The following FAM72A variants were observed in gnomAD, a reference collection of about 807,000 sequenced individuals.
FAM72A encodes the protein protein FAM72A.
A neutral mutation model predicts 11.3 loss-of-function variants in FAM72A; 1 was observed. The ratio of observed to expected loss-of-function variants is 0.09; its 90% CI spans 0.03 to 0.42. The LOEUF is 0.42. Ranked by LOEUF, FAM72A falls within the 10% of genes least tolerant of loss-of-function variation. The pLI is 0.98. For synonymous variants in FAM72A, 5 were observed against 46.9 expected (o/e 0.11, Z 3.65); for missense variants, 15 against 135.5 (o/e 0.11, Z 4.41).
At chr1:206,204,813 T>C (rs1665737229), upstream of FAM72A, 2 of 125,416 alleles carry the variant, frequency 1.6e-5, no homozygotes, top group South Asian at 5.7e-4. Flanking sequence ...TTTTCCCGGC[T>C]CCGACCCTAT....
upstream of FAM72A, chr1:206,203,764 C>A (rs536070022): frequency 4.0e-6 from 6 of 1,483,376 alleles, no homozygotes; most frequent in Non-Finnish European, 5.4e-6. Context: ...CTCGCGGCAT[C>A]GCCTTAGCGG....
At chr1:206,205,275 A>C (rs1209669678), upstream of FAM72A, 2 of 144,042 alleles carry the variant, frequency 1.4e-5, no homozygotes, top group African/African-American at 5.2e-5. Context: ...CTTCCTCCCC[A>C]CCTCGTAGCG....
chr1:206,196,900 G>A (rs1440333770), intron 2 of FAM72A, among the ~76,000 whole-genome samples: 1 of 144,084 alleles, frequency 6.9e-6, no homozygotes, highest in Admixed American at 6.9e-5. Flanking sequence ...TTTATACCTT[G>A]AGTTGTAAAA....
upstream of FAM72A, chr1:206,204,977 G>A (rs1418287472): frequency 6.6e-6 from 1 of 151,402 alleles, no homozygotes; most frequent in Non-Finnish European, 1.5e-5. Flanking sequence ...TGGGAGGAGG[G>A]GCGGGAGAGG....
intron 3 of FAM72A, among the ~76,000 whole-genome samples, chr1:206,191,978 T>C (rs1473220008): frequency 6.9e-6 from 1 of 145,690 alleles, no homozygotes; most frequent in Non-Finnish European, 1.5e-5. Context: ...TCAATTGTGC[T>C]TTAGTTTATT....
At chr1:206,199,708 T>TAC in intron 2 of FAM72A, 99 bp downstream of exon 2, 1 of 466,102 alleles carries the variant, frequency 2.1e-6, no homozygotes, top group Admixed American at 4.5e-5. Flanking sequence ...GCATGCTTTA[T>TAC]ACCAGTCCTT....
intron 3 of FAM72A, among the ~76,000 whole-genome samples, chr1:206,188,604 GT>G: frequency 9.2e-6 from 1 of 109,246 alleles, no homozygotes; most frequent in Middle Eastern, 3.8e-3. Context: ...TGCCTCCCAG[GT>G]TCAAGTGATT....
At chr1:206,198,309 A>G (rs1306040386) in intron 2 of FAM72A, among the ~76,000 whole-genome samples, 6 of 151,420 alleles carry the variant, frequency 4.0e-5, no homozygotes, top group Non-Finnish European at 8.8e-5. Flanking sequence ...GGTTGCAGTA[A>G]GCTGAGATCG....
chr1:206,203,504 C>A (rs1278753747), upstream of FAM72A: 117 of 483,996 alleles, frequency 2.4e-4, no homozygotes, highest in Non-Finnish European at 2.9e-4. Flanking sequence ...GGCTCTACTT[C>A]CCGGCGGGGT....
At chr1:206,203,832 A>T (rs1382670652), upstream of FAM72A, 2 of 1,521,438 alleles carry the variant, frequency 1.3e-6, no homozygotes, top group Non-Finnish European at 1.8e-6. Context: ...CTCCCAGTAC[A>T]GCCCATAATA....
upstream of FAM72A, chr1:206,204,830 ACCCGTTTC>A (rs1665741269): frequency 8.0e-6 from 1 of 125,168 alleles, no homozygotes; most frequent in Admixed American, 7.8e-5. Context: ...CTATCCTCTA[ACCCGTTTC>A]CTGCTTCAGC....
chr1:206,203,706 G>A (rs557858454), upstream of FAM72A: 33 of 1,320,428 alleles, frequency 2.5e-5, 2 homozygotes, highest in African/African-American at 3.4e-4. Flanking sequence ...CTGGAGCCCT[G>A]ACTGAACAAA....
chr1:206,194,237 TG>T lies in FAM72A; in HGVS notation c.355+1514del, dbSNP rs772504269. On this transcript the variant is annotated intron_variant, in intron 3 of 3. Coordinates refer to ENST00000367128, the MANE Select transcript of FAM72A (RefSeq NM_001123168.3). Reference sequence around the variant, plus strand: ...GAAAACTACACTTAGAAATGGAGCCTGAAGACGTGACTGCATTGCTGCAATC... The same window carrying T: ...GAAAACTACACTTAGAAATGGAGCCTAAGACGTGACTGCATTGCTGCAATC... Among the ~76,000 whole-genome samples, 153 of 152,220 alleles carry T rather than the reference TG, an allele frequency of 1.0e-3. 1 individual carries two copies. Among genetic ancestry groups the T allele is most frequent in the Non-Finnish European group, 1.9e-3 (130 of 68,038 alleles).
At chr1:206,203,593 G>A (rs1484629685), upstream of FAM72A, 53 of 590,362 alleles carry the variant, frequency 9.0e-5, no homozygotes, top group Admixed American at 2.8e-4. Flanking sequence ...AGAGAGGGGA[G>A]GAGAGCTCTG....
rs1180934704 is a variant in FAM72A at position 206,186,195 on chromosome 1, CTATT to C, written c.*1080_*1083del. ...AGCCTTATATTCTATACTTTAAGTA[CTATT>C]TATTTATATTTTTACATACAATATG... On this transcript the variant is annotated 3_prime_UTR_variant, in exon 4 of 4. Coordinates refer to ENST00000367128, the MANE Select transcript of FAM72A (RefSeq NM_001123168.3). 8.9e-5 allele frequency: 1 copy of C among 11,182 alleles called. No homozygotes were observed. Among genetic ancestry groups the C allele is most frequent in the African/African-American group, 2.1e-4 (1 of 4,784 alleles). 0.7% of individuals were successfully genotyped at this position (11,182 alleles called of 1,614,324 possible). A position where few individuals can be genotyped will look rare whatever the true frequency, so the allele number is the denominator to read the frequency against.
rs1260209589 is a variant in FAM72A at position 206,186,979 on chromosome 1, C to T, written c.*300G>A. On this transcript the variant is annotated 3_prime_UTR_variant, in exon 4 of 4. Transcript: ENST00000367128. ...GGTATCAAGTTGTAAGAAAAACTCC[C>T]CCAGATTGGGAGGTAACTGAGTGAT... is the stretch of plus-strand genomic sequence containing the variant. 2 of 266,846 alleles carry T rather than the reference C, an allele frequency of 7.5e-6. No individual in the cohort carries two copies. The highest frequency in any genetic ancestry group is 4.8e-5 in the Admixed American group (1 of 20,746). The allele number at this position is 266,846 out of a possible 1,614,324, so 16.5% of individuals were successfully genotyped here.
upstream of FAM72A, chr1:206,202,928 TAG>T (rs1665457813): frequency 6.8e-6 from 1 of 146,974 alleles, no homozygotes; most frequent in African/African-American, 2.5e-5. Context: ...TTGGAAGAAC[TAG>T]AGTTAGCCCC....
In FAM72A at chr1:206,187,329, T is replaced by C. The variant is rs373675752; in HGVS notation, c.400A>G (p.Ser134Gly). The change falls in exon 4 of 4, where the codon AGT becomes GGT. Residue 134 changes from serine to glycine, a missense_variant. Around this residue, in one of 2 missense-constraint regions of FAM72A, gnomAD observed 10 missense variants for 35.1 expected, o/e 0.29. Transcript: ENST00000367128. The stretch of plus-strand genomic sequence containing the variant: ...ATATTTAACACATCTTCATCTGTAC[T>C]CTCTTCTATCTCTGGCAAGTTGCCC... ...LWGNLPEIEE[S>G]TDEDVLNISA... 3.7e-6 allele frequency: 6 copies of C among 1,611,350 alleles called. No homozygotes were observed. Among genetic ancestry groups the C allele is most frequent in the East Asian group, 4.5e-5 (2 of 44,834 alleles).
intron 2 of FAM72A, among the ~76,000 whole-genome samples, chr1:206,198,534 A>G (rs1665192353): frequency 6.8e-6 from 1 of 146,672 alleles, no homozygotes; most frequent in Non-Finnish European, 1.5e-5. Flanking sequence ...GAGCTTGCCA[A>G]TTTAAATTAT....
Sources: allele counts gnomAD v4.1 joint callset (sites outside exome capture counted in the v4.1 genomes callset), GRCh38; gene constraint gnomAD v4.1.1; regional missense constraint gnomAD v4.1.1; transcripts MANE v1.5; gene names NCBI Gene and HGNC (gene_info 2026-07-23, HGNC 2026-07-21).